DNAH12: variants seen among roughly 807,000 people sequenced by gnomAD.
DNAH12 encodes dynein axonemal heavy chain 12.
In DNAH12, 285 loss-of-function variants were observed where a neutral mutation model predicts 371.5. The ratio of observed to expected loss-of-function variants is 0.77; its 90% CI spans 0.70 to 0.85. The LOEUF (loss-of-function observed/expected upper bound fraction) is 0.85, where lower values mean the gene tolerates loss of function less well. Among genes scored for constraint, DNAH12 ranks in the 40% least tolerant of loss-of-function variants. DNAH12 has a pLI of 0.00. For missense variants in DNAH12, 3,611 were observed against 3,689.4 expected (o/e 0.98, Z 0.55); for synonymous variants, 1,200 against 1,213.0 (o/e 0.99, Z 0.22).
At chr3:57,306,334 C>T (rs543475831) in intron 69 of DNAH12, among the ~76,000 whole-genome samples, 98 of 152,266 alleles carry the variant, frequency 6.4e-4, no homozygotes, top group African/African-American at 2.1e-3. Context: ...TGGGTATTGA[C>T]GGCCAGGCTT....
chr3:57,368,573 T>A (rs1211221935), intron 55 of DNAH12, among the ~76,000 whole-genome samples: 1 of 152,190 alleles, frequency 6.6e-6, no homozygotes, highest in African/African-American at 2.4e-5. Flanking sequence ...CAATATAATA[T>A]GCTGTCTTCA....
At chr3:57,406,387 T>C (rs1374367834) in intron 40 of DNAH12, among the ~76,000 whole-genome samples, 1 of 149,768 alleles carries the variant, frequency 6.7e-6, no homozygotes, top group African/African-American at 2.4e-5. Flanking sequence ...AAAAAGATTA[T>C]ACTGGCTTGG....
At chr3:57,319,296 A>G (rs1312690523) in intron 65 of DNAH12, among the ~76,000 whole-genome samples, 1 of 152,182 alleles carries the variant, frequency 6.6e-6, no homozygotes, top group Non-Finnish European at 1.5e-5. Flanking sequence ...TTCTATATAC[A>G]TAAGATCACA....
intron 43 of DNAH12, among the ~76,000 whole-genome samples, chr3:57,397,796 T>C (rs1367491824): frequency 6.6e-6 from 1 of 152,024 alleles, no homozygotes; most frequent in African/African-American, 2.4e-5. Flanking sequence ...TCTAGCTAGG[T>C]TGATTGGTGA....
intron 25 of DNAH12, among the ~76,000 whole-genome samples, chr3:57,447,954 C>T (rs1292106651): frequency 5.3e-5 from 8 of 152,192 alleles, no homozygotes; most frequent in Non-Finnish European, 1.0e-4. Context: ...GGATTATAGG[C>T]ATGAGCTACC....
At chr3:57,459,197 CAG>C (rs2065983875) in intron 20 of DNAH12, among the ~76,000 whole-genome samples, 1 of 152,166 alleles carries the variant, frequency 6.6e-6, no homozygotes, top group African/African-American at 2.4e-5. Context: ...TCCGAGTACA[CAG>C]AGTCACTAGT....
At chr3:57,471,404 TTTATG>T in intron 15 of DNAH12, 63 bp downstream of exon 15, 4 of 1,333,606 alleles carry the variant, frequency 3.0e-6, no homozygotes, top group Non-Finnish European at 3.9e-6. Context: ...TACTTTTAAA[TTTATG>T]TTAACATGTC....
At chr3:57,550,125 A>T in the DNAH12 span, among the ~76,000 whole-genome samples, 2 of 152,012 alleles carry the variant, frequency 1.3e-5, no homozygotes, top group Admixed American at 1.3e-4. Context: ...CCTAGGCAAC[A>T]CAGCTAGCGA....
intron 60 of DNAH12, among the ~76,000 whole-genome samples, chr3:57,341,672 AAAT>A (rs1553656198): frequency 6.6e-6 from 1 of 152,150 alleles, no homozygotes; most frequent in East Asian, 1.9e-4. Flanking sequence ...AATATTGTTA[AAAT>A]GACTCTACTA....
chr3:57,484,075 G>A (rs573642136), intron 12 of DNAH12, among the ~76,000 whole-genome samples: 2 of 151,156 alleles, frequency 1.3e-5, no homozygotes, highest in East Asian at 3.9e-4. Context: ...AAATTTTAGC[G>A]ACCTCTTCAA....
chr3:57,415,434 G>T lies in DNAH12; in HGVS notation c.5845C>A (p.Gln1949Lys), dbSNP rs1222274368. The T allele has an allele frequency of 1.4e-5, 21 of 1,548,788 alleles. No individual in the cohort carries two copies. Among genetic ancestry groups the T allele is most frequent in the Non-Finnish European group, 1.7e-5 (20 of 1,146,424 alleles). The change falls in exon 38 of 74, where the codon CAG becomes AAG. Residue 1949 changes from glutamine (Q) to lysine (K), a missense_variant. This residue lies in a region of DNAH12 where 2,266 missense variants were observed against 2,236.9 expected (regional missense o/e 1.01). Transcript: ENST00000495027. Reference sequence around the variant, plus strand: ...TCTGTCTTTAAACTAACCTGAACCTGATTGGCGCTGGTCCGTGCAGATAAG... The same window carrying T: ...TCTGTCTTTAAACTAACCTGAACCTTATTGGCGCTGGTCCGTGCAGATAAG... ...INLSARTSAN[Q>K]VQNIIMARLD...
chr3:57,296,213 T>C, intron 72 of DNAH12, 131 bp downstream of exon 72: 1 of 553,754 alleles, frequency 1.8e-6, no homozygotes. Flanking sequence ...GCTTGACTAA[T>C]AATTTATGTG....
intron 17 of DNAH12, among the ~76,000 whole-genome samples, chr3:57,468,163 C>G (rs2066258487): frequency 6.6e-6 from 1 of 152,246 alleles, no homozygotes; most frequent in Admixed American, 6.5e-5. Flanking sequence ...GATTGTTTCT[C>G]CTCAGTACCT....
At chr3:57,318,062 A>G (rs1213398954) in intron 65 of DNAH12, among the ~76,000 whole-genome samples, 3 of 152,104 alleles carry the variant, frequency 2.0e-5, no homozygotes, top group Non-Finnish European at 4.4e-5. Flanking sequence ...ATATTTTGGA[A>G]ATTAACTCCT....
intron 13 of DNAH12, among the ~76,000 whole-genome samples, chr3:57,476,869 AT>A (rs1469722972): frequency 2.6e-5 from 4 of 152,220 alleles, no homozygotes; most frequent in Non-Finnish European, 1.5e-5. Flanking sequence ...AAAAGAAAAA[AT>A]ATTTTTAAAA....
intron 4 of DNAH12, among the ~76,000 whole-genome samples, chr3:57,523,356 C>T (rs953907397): frequency 1.3e-5 from 2 of 152,076 alleles, no homozygotes; most frequent in African/African-American, 4.8e-5. Flanking sequence ...GCCCTCCAGC[C>T]TTGGTGACAG....
intron 37 of DNAH12, 81 bp downstream of exon 37, chr3:57,419,286 C>T (rs969521547): frequency 5.5e-5 from 74 of 1,339,510 alleles, no homozygotes; most frequent in African/African-American, 2.7e-4. Flanking sequence ...GGGATGATCT[C>T]GAATACTTCA....
At chr3:57,541,004 AGAATCTTAG>A in intron 2 of DNAH12, among the ~76,000 whole-genome samples, 1 of 151,786 alleles carries the variant, frequency 6.6e-6, no homozygotes, top group South Asian at 2.1e-4. Flanking sequence ...AACACTGAAT[AGAATCTTAG>A]GAATGAAGGA....
At chr3:57,425,278 C>CAAAA in intron 34 of DNAH12, 137 bp from the exon 35 acceptor site, 1 of 577,080 alleles carries the variant, frequency 1.7e-6, no homozygotes, top group South Asian at 2.1e-5. Context: ...GATGGGATCT[C>CAAAA]ACTCTGTCAT....
Sources: gnomAD v4.1 joint callset for allele counts (sites outside exome capture counted in the v4.1 genomes callset) on GRCh38, gnomAD v4.1.1 for gene constraint, gnomAD v4.1.1 regional missense constraint, MANE v1.5 for transcripts, NCBI Gene and HGNC (gene_info 2026-07-23, HGNC 2026-07-21) for gene names.